Variants in ST3GAL3 observed in about 807,000 individuals in gnomAD.
ST3GAL3 encodes the protein ST3 beta-galactoside alpha-2,3-sialyltransferase 3.
Under a neutral mutation model 50.1 loss-of-function variants are expected in ST3GAL3, and 21 were observed. That is an observed-to-expected ratio of 0.42 (90% CI 0.30 to 0.60). ST3GAL3 has a LOEUF of 0.60. ST3GAL3 is among the 20% of genes least tolerant of loss of function. The pLI is 0.19. For synonymous variants in ST3GAL3, 183 were observed against 190.0 expected (o/e 0.96, Z 0.30); for missense variants, 353 against 489.4 (o/e 0.72, Z 2.63).
Position 43,759,353 on chromosome 1 carries a change from A to T in ST3GAL3, c.118+22973A>T, listed in dbSNP as rs145813721. On this transcript the variant is annotated intron_variant, in intron 2 of 11. Transcript: ENST00000347631. The stretch of plus-strand genomic sequence containing the variant: ...CAGCTATTCGGGAGGCTAAGGTGGG[A>T]GAATCGCTTGAACCTGGGAGGTGGA... Among the ~76,000 whole-genome samples the T allele has an allele frequency of 8.6e-3, 1,309 of 152,304 alleles. 7 individuals are homozygous for T. Among genetic ancestry groups the T allele is most frequent in the Non-Finnish European group, 0.015 (1,019 of 68,024 alleles).
intron 11 of ST3GAL3, among the ~76,000 whole-genome samples, chr1:43,922,957 C>T (rs537392353): frequency 1.7e-4 from 26 of 151,200 alleles, no homozygotes; most frequent in African/African-American, 5.8e-4. Context: ...AAAAACTAGC[C>T]GGGCATGGTG....
intron 5 of ST3GAL3, among the ~76,000 whole-genome samples, chr1:43,861,172 C>G (rs1024394834): frequency 2.0e-5 from 3 of 152,248 alleles, no homozygotes. Flanking sequence ...AGAATCCCAA[C>G]TTTGCTACTT....
intron 2 of ST3GAL3, chr1:43,739,265 C>T (rs1679806796): frequency 6.6e-6 from 1 of 152,186 alleles, no homozygotes; most frequent in African/African-American, 2.4e-5. Flanking sequence ...CTCTGTCACC[C>T]AGGCTAGAGT....
At chr1:43,860,567 A>G (rs188311122) in intron 5 of ST3GAL3, among the ~76,000 whole-genome samples, 2 of 152,344 alleles carry the variant, frequency 1.3e-5, no homozygotes, top group Non-Finnish European at 2.9e-5. Context: ...GCCTTGCTCT[A>G]TCCATCTCTG....
intron 5 of ST3GAL3, among the ~76,000 whole-genome samples, chr1:43,843,481 G>A (rs1002302459): frequency 9.2e-5 from 14 of 151,940 alleles, no homozygotes; most frequent in Non-Finnish European, 1.9e-4. Context: ...TTTACACATT[G>A]CTCTATTCAA....
At chr1:43,861,682 T>G (rs1305167052) in intron 5 of ST3GAL3, among the ~76,000 whole-genome samples, 1 of 152,250 alleles carries the variant, frequency 6.6e-6, no homozygotes, top group East Asian at 1.9e-4. Context: ...GCCTTTGTGC[T>G]GTGCCTGCTA....
chr1:43,743,611 C>T, intron 2 of ST3GAL3: 1 of 311,712 alleles, frequency 3.2e-6, no homozygotes, highest in Non-Finnish European at 6.4e-6. Context: ...GATCAGATTC[C>T]CATTTGACAG....
intron 9 of ST3GAL3, chr1:43,916,958 A>G (rs2081919509): frequency 6.6e-6 from 1 of 152,208 alleles, no homozygotes; most frequent in African/African-American, 2.4e-5. Context: ...CCTCTGTTGT[A>G]AACTTTTGGA....
intron 2 of ST3GAL3, among the ~76,000 whole-genome samples, chr1:43,751,309 T>C (rs1402619805): frequency 6.6e-6 from 1 of 152,216 alleles, no homozygotes; most frequent in Non-Finnish European, 1.5e-5. Context: ...AGTGGGTTCC[T>C]GGAAGGCAAT....
intron 2 of ST3GAL3, among the ~76,000 whole-genome samples, chr1:43,759,708 A>G (rs1435695062): frequency 1.3e-5 from 2 of 152,210 alleles, no homozygotes; most frequent in African/African-American, 4.8e-5. Context: ...GCCCCTTAGC[A>G]CAAGTCAAAT....
rs148313772 is a variant in ST3GAL3, at chr1:43,856,040, G to A, written c.302+17729G>A. The stretch of plus-strand genomic sequence containing the variant: ...TGTGTACACCCAGGTTTACAACTGC[G>A]GTCATCTGAAATACTGTGACAGACA... On this transcript the variant is annotated intron_variant, in intron 5 of 11. Coordinates refer to ENST00000347631, the MANE Select transcript of ST3GAL3 (RefSeq NM_006279.5). 5.6e-3 allele frequency among the ~76,000 whole-genome samples: 849 copies of A among 152,246 alleles called. 10 individuals carry two copies. Among genetic ancestry groups the A allele is most frequent in the African/African-American group, 0.019 (797 of 41,534 alleles).
Position 43,882,030 on chromosome 1 carries a change from C to CG in ST3GAL3, c.303-12347dup, listed in dbSNP as rs538781557. Among the ~76,000 whole-genome samples the CG allele has an allele frequency of 9.7e-4, 148 of 152,304 alleles. 1 individual carries two copies. The highest frequency in any genetic ancestry group is 2.9e-3 in the Admixed American group (45 of 15,302). On this transcript the variant is annotated intron_variant, in intron 5 of 11. Coordinates refer to ENST00000347631, the MANE Select transcript of ST3GAL3 (RefSeq NM_006279.5). Reference sequence around the variant, plus strand: ...ACCTGCTATGTGCTTGGCTGCAAGCCGGGGGGTGCTACACAGCCTGCGGGG... The same window carrying CG: ...ACCTGCTATGTGCTTGGCTGCAAGCCGGGGGGGTGCTACACAGCCTGCGGGG...
intron 2 of ST3GAL3, chr1:43,736,914 A>T: frequency 4.5e-6 from 1 of 220,560 alleles, no homozygotes; most frequent in Non-Finnish European, 9.1e-6. Context: ...TTCCCTACCC[A>T]GTAACTCCTA....
chr1:43,887,699 C>G (rs2076168325), intron 5 of ST3GAL3, among the ~76,000 whole-genome samples: 1 of 152,072 alleles, frequency 6.6e-6, no homozygotes, highest in African/African-American at 2.4e-5. Context: ...ATGCTGAAAC[C>G]TTGAATGAAT....
At chr1:43,758,832 G>C (rs1007941244) in intron 2 of ST3GAL3, among the ~76,000 whole-genome samples, 15 of 151,498 alleles carry the variant, frequency 9.9e-5, no homozygotes, top group Non-Finnish European at 2.1e-4. Flanking sequence ...TTCGAGACCA[G>C]CCTGGGCAAC....
At chr1:43,722,715 T>C (rs1671074264) in intron 1 of ST3GAL3, among the ~76,000 whole-genome samples, 1 of 152,136 alleles carries the variant, frequency 6.6e-6, no homozygotes, top group South Asian at 2.1e-4. Context: ...AGGAGTCTAG[T>C]GTCAAGGCTA....
At chr1:43,861,595 A>C (rs994826797) in intron 5 of ST3GAL3, among the ~76,000 whole-genome samples, 1 of 152,220 alleles carries the variant, frequency 6.6e-6, no homozygotes, top group Non-Finnish European at 1.5e-5. Flanking sequence ...TAATAAATTA[A>C]ATTAATAATT....
intron 11 of ST3GAL3, among the ~76,000 whole-genome samples, chr1:43,929,792 C>G (rs932802185): frequency 1.4e-4 from 22 of 152,176 alleles, no homozygotes; most frequent in African/African-American, 5.3e-4. Context: ...TGTCTATAAC[C>G]TAGGTGCTTC....
Position 43,817,579 on chromosome 1 carries a change from T to TCTTCCTTCTC in ST3GAL3, c.209+2648_209+2649insTCCTTCTCCT, listed in dbSNP as rs199566913. Among the ~76,000 whole-genome samples the TCTTCCTTCTC allele has an allele frequency of 1.8e-3, 30 of 17,062 alleles. 4 individuals are homozygous for TCTTCCTTCTC. In the South Asian group the frequency reaches 0.038, roughly 22 times the overall value. 11.2% of individuals were successfully genotyped at this position (17,062 alleles called of 152,430 possible). A position where few individuals can be genotyped will look rare whatever the true frequency, so the allele number is the denominator to read the frequency against. On this transcript the variant is annotated intron_variant, in intron 4 of 11. Transcript: ENST00000347631. ...TCTCCTTCTTCCTTCTTCTTCTCCT[T>TCTTCCTTCTC]CTCCTCCTTCTCCTCCTCCCTTCTC...
Sources: gnomAD v4.1 joint callset for allele counts (sites outside exome capture counted in the v4.1 genomes callset) on GRCh38, gnomAD v4.1.1 for gene constraint, MANE v1.5 for transcripts, NCBI Gene and HGNC (gene_info 2026-07-23, HGNC 2026-07-21) for gene names.